Variants in VPS13A observed in about 807,000 individuals in gnomAD.
VPS13A encodes intermembrane lipid transfer protein VPS13A.
Under a neutral mutation model 390.9 loss-of-function variants are expected in VPS13A, and 264 were observed. The observed-to-expected ratio is 0.68, with a 90% CI of 0.61 to 0.75. VPS13A has a LOEUF of 0.75. Among genes scored for constraint, VPS13A ranks in the 30% least tolerant of loss-of-function variants. The pLI is 0.00. For synonymous variants in VPS13A, 1,231 were observed against 1,227.1 expected (o/e 1.00, Z -0.07); for missense variants, 3,409 against 3,733.9 (o/e 0.91, Z 2.27).
intron 1 of VPS13A, among the ~76,000 whole-genome samples, chr9:77,180,316 T>C (rs559257454): frequency 2.8e-4 from 42 of 152,370 alleles, no homozygotes; most frequent in African/African-American, 9.4e-4. Flanking sequence ...GTGTTTGTTT[T>C]CTTATGGTTG....
rs1236410266 is a variant in VPS13A at position 77,365,582 on chromosome 9, A to C, written c.8325+9A>C. On this transcript the variant is annotated intron_variant, in intron 60 of 71. Coordinates refer to ENST00000360280, the MANE Select transcript of VPS13A (RefSeq NM_033305.3). ...ATATATCTCCTATCAAGGTAGGAGA[A>C]AGTCATTTTTATTGTCCTTGATAAT... 17 of 1,543,808 alleles carry C rather than the reference A, an allele frequency of 1.1e-5. No homozygotes were observed. The East Asian group carries it at 3.8e-4, about 35-fold the overall frequency.
intron 71 of VPS13A, 148 bp from the exon 72 acceptor site, chr9:77,415,808 C>G: frequency 2.3e-6 from 2 of 858,372 alleles, no homozygotes; most frequent in Non-Finnish European, 3.7e-6. Context: ...AGTGAATGAT[C>G]TCTTTTGCAG....
intron 48 of VPS13A, 88 bp from the exon 49 acceptor site, chr9:77,340,090 T>C: frequency 7.2e-7 from 1 of 1,397,110 alleles, no homozygotes. Flanking sequence ...TATAATATTT[T>C]GTTTATGCTA....
chr9:77,200,118 AAATTTTGCTAAATGGAGT>A, intron 2 of VPS13A, 130 bp downstream of exon 2: 1 of 787,858 alleles, frequency 1.3e-6, no homozygotes, highest in East Asian at 2.8e-5. Context: ...TGCAAAATGT[AAATTTTGCTAAATGGAGT>A]TTTAATCTCC....
chr9:77,383,042 T>G lies in VPS13A; in HGVS notation c.9189+955T>G, dbSNP rs1833524339. The G allele has an allele frequency of 4.1e-6, 4 of 984,852 alleles. No individual in the cohort carries two copies. In the South Asian group the frequency reaches 1.9e-4, roughly 46 times the overall value. The allele number at this position is 984,852 out of a possible 1,614,324, so 61.0% of individuals were successfully genotyped here. ...TTATGTTATGTAGGCTTGCAGATAC[T>G]CATGGTAGCAATAAACTGTTGGAAT... On this transcript the variant is annotated intron_variant, in intron 68 of 71. Transcript: ENST00000360280.
At chr9:77,345,813 T>C (rs73654020) in intron 52 of VPS13A, among the ~76,000 whole-genome samples, 1,925 of 152,258 alleles carry the variant, frequency 0.013, 39 homozygotes, top group African/African-American at 0.044. Context: ...CTTCTAATCA[T>C]TGATTAAAAT....
rs185558532 is a variant in VPS13A at position 77,337,826 on chromosome 9, T to C, written c.6378+289T>C. 1,207 of 276,952 alleles carry C rather than the reference T, an allele frequency of 4.4e-3. 10 individuals are homozygous for C. Among genetic ancestry groups the C allele is most frequent in the Middle Eastern group, 0.021 (18 of 856 alleles). 17.2% of individuals were successfully genotyped at this position (276,952 alleles called of 1,614,324 possible). A position where few individuals can be genotyped will look rare whatever the true frequency, so the allele number is the denominator to read the frequency against. On this transcript the variant is annotated intron_variant, in intron 47 of 71. Transcript: ENST00000360280. The stretch of plus-strand genomic sequence containing the variant: ...TGAAGTTGCTTTTTTTCTTTCATAC[T>C]CTGTGTGGTTTCTTCCTGTTGTTAT...
chr9:77,319,296 ATAGAAATATGAAGAAT>A (rs1451184727), intron 41 of VPS13A, among the ~76,000 whole-genome samples: 2 of 151,906 alleles, frequency 1.3e-5, no homozygotes, highest in Non-Finnish European at 2.9e-5. Context: ...ATCTCTTCTA[ATAGAAATATGAAGAAT>A]TAGAAATATA....
In VPS13A at chr9:77,209,530, G is replaced by T. The variant is rs1021083498; in HGVS notation, c.493G>T (p.Asp165Tyr). ...ISSIHIRYEDDITNRDKPLSF... is the reference protein window; with the variant it reads ...ISSIHIRYEDYITNRDKPLSF... ...CAGTATCCATATTCGTTATGAAGAT[G>T]ATGTAAGTATTTTAATATGTGATAT... The change falls in exon 6 of 72, where the codon GAT becomes TAT. Residue 165 changes from aspartate (D) to tyrosine (Y), a missense_variant and splice_region_variant. Physicochemically the swap from Asp to Tyr is radical, Grantham distance 160 (BLOSUM62 -3). Around this residue, in one of 5 missense-constraint regions of VPS13A, gnomAD observed 2,717 missense variants for 2,917.4 expected, o/e 0.93. Coordinates refer to ENST00000360280, the MANE Select transcript of VPS13A (RefSeq NM_033305.3). The T allele has an allele frequency of 1.3e-6, 2 of 1,548,864 alleles. No individual in the cohort carries two copies. Among genetic ancestry groups the T allele is most frequent in the Non-Finnish European group, 8.9e-7 (1 of 1,123,802 alleles).
At chr9:77,324,920 A>C (rs1431692956) in intron 45 of VPS13A, among the ~76,000 whole-genome samples, 1 of 151,456 alleles carries the variant, frequency 6.6e-6, no homozygotes, top group East Asian at 1.9e-4. Flanking sequence ...GACACCAGGG[A>C]CCTGTTTCAT....
intron 31 of VPS13A, among the ~76,000 whole-genome samples, chr9:77,291,632 C>T (rs770266815): frequency 3.9e-5 from 6 of 152,130 alleles, no homozygotes; most frequent in Non-Finnish European, 7.3e-5. Flanking sequence ...CTTTCTTCTA[C>T]TCTTGTACCT....
Position 77,406,093 on chromosome 9 carries a change from T to C in VPS13A, c.9399+106T>C. On this transcript the variant is annotated intron_variant, in intron 70 of 71. Transcript: ENST00000360280. ...TCTACCTCTTTTATAGATGTCACTT[T>C]GTCCTGGTGTGGTTTTCCCTTATAC... The C allele has an allele frequency of 3.4e-6, 5 of 1,476,894 alleles. No individual in the cohort carries two copies. In the South Asian group the frequency reaches 3.4e-5, roughly 10 times the overall value. 91.5% of individuals were successfully genotyped at this position (1,476,894 alleles called of 1,614,324 possible).
intron 2 of VPS13A, among the ~76,000 whole-genome samples, chr9:77,200,459 A>T (rs1380230628): frequency 1.3e-5 from 2 of 152,228 alleles, no homozygotes; most frequent in African/African-American, 4.8e-5. Flanking sequence ...ACTGCACTCC[A>T]GCCTGGGTGA....
chr9:77,369,417 A>T lies in VPS13A; in HGVS notation c.8667+5A>T. The T allele has an allele frequency of 6.4e-7, 1 of 1,555,242 alleles. No individual in the cohort carries two copies. Among genetic ancestry groups the T allele is most frequent in the Non-Finnish European group, 8.9e-7 (1 of 1,126,514 alleles). On this transcript the variant is annotated splice_donor_5th_base_variant and intron_variant, in intron 63 of 71. Transcript: ENST00000360280. ...TTTTTTTATGAACCTTACCAGGTAA[A>T]ATAGTTATTTTTGTGGTTGTGCAAT...
chr9:77,307,921 G>A (rs1277649231), intron 34 of VPS13A, 24 bp from the exon 35 acceptor site: 1 of 1,551,476 alleles, frequency 6.4e-7, no homozygotes, highest in South Asian at 1.1e-5. Context: ...GTGCTAAAAA[G>A]AACAAATCTT....
chr9:77,235,898 C>A (rs933206606), intron 17 of VPS13A, among the ~76,000 whole-genome samples: 7 of 152,066 alleles, frequency 4.6e-5, no homozygotes, highest in African/African-American at 1.7e-4. Flanking sequence ...CGAAAGTGAT[C>A]CATATTTAGT....
intron 44 of VPS13A, 33 bp downstream of exon 44, chr9:77,321,779 A>G (rs754847545): frequency 6.2e-7 from 1 of 1,609,730 alleles, no homozygotes; most frequent in African/African-American, 1.3e-5. Flanking sequence ...TCCTGGGGCT[A>G]TTTTGTTTTA....
At chr9:77,296,504 T>A (rs1828013267) in intron 33 of VPS13A, among the ~76,000 whole-genome samples, 1 of 152,082 alleles carries the variant, frequency 6.6e-6, no homozygotes, top group Admixed American at 6.6e-5. Flanking sequence ...CTCTTGCTTG[T>A]CTCTTCACCT....
chr9:77,208,595 G>A lies in VPS13A; in HGVS notation c.386-828G>A, dbSNP rs572860819. 4.7e-3 allele frequency among the ~76,000 whole-genome samples: 712 copies of A among 152,154 alleles called. 8 individuals carry two copies. Among genetic ancestry groups the A allele is most frequent in the Non-Finnish European group, 7.6e-3 (514 of 67,996 alleles). On this transcript the variant is annotated intron_variant, in intron 5 of 71. Coordinates refer to ENST00000360280, the MANE Select transcript of VPS13A (RefSeq NM_033305.3). ...GACAAAGTCTCACTTTGTCTCCCAG[G>A]ATGGAATGCAGTGGTGTGATCTCGG...
Sources: gnomAD v4.1 joint callset for allele counts (sites outside exome capture counted in the v4.1 genomes callset) on GRCh38, gnomAD v4.1.1 for gene constraint, gnomAD v4.1.1 regional missense constraint, MANE v1.5 for transcripts, NCBI Gene and HGNC (gene_info 2026-07-23, HGNC 2026-07-21) for gene names.